The following ELMO1 variants were observed in gnomAD, a reference collection of about 807,000 sequenced individuals.
ELMO1 encodes engulfment and cell motility protein 1.
Under a neutral mutation model 98.9 loss-of-function variants are expected in ELMO1, and 26 were observed. The observed-to-expected ratio is 0.26, with a 90% CI of 0.19 to 0.36. The LOEUF (loss-of-function observed/expected upper bound fraction) is 0.36. Among genes scored for constraint, ELMO1 ranks in the 10% least tolerant of loss-of-function variants. ELMO1 has a pLI of 1.00. For synonymous variants in ELMO1, 346 were observed against 346.0 expected, an observed-to-expected ratio of 1.00 and a Z score of 0.00; for missense variants, 627 against 935.2, an observed-to-expected ratio of 0.67 and a Z score of 4.30.
chr7:37,286,816 ATCT>A (rs1205880743), intron 4 of ELMO1, among the ~76,000 whole-genome samples: 2 of 152,146 alleles, frequency 1.3e-5, no homozygotes, highest in East Asian at 1.9e-4. Flanking sequence ...AAGTCTATGG[ATCT>A]TCTTTTCAGA....
rs910869390 is a variant in ELMO1 at position 37,130,038 on chromosome 7, G to C, written c.1191+3092C>G. Among the ~76,000 whole-genome samples, 5 of 152,226 alleles carry C rather than the reference G, an allele frequency of 3.3e-5. No individual in the cohort carries two copies. The East Asian group carries it at 5.8e-4, about 18-fold the overall frequency. On this transcript the variant is annotated intron_variant, in intron 14 of 21. Transcript: ENST00000310758. The stretch of plus-strand genomic sequence containing the variant: ...TCTCTTCCCTTCACCTAGTTAACTA[G>C]TACTATTCAACAGTTCTGAGCCTAG...
chr7:36,983,369 T>C (rs1791231475), intron 16 of ELMO1, among the ~76,000 whole-genome samples: 1 of 152,208 alleles, frequency 6.6e-6, no homozygotes, highest in African/African-American at 2.4e-5. Flanking sequence ...CTTTTCAATT[T>C]GACTTTAATT....
At chr7:37,385,716 T>G (rs1802772498) in intron 1 of ELMO1, among the ~76,000 whole-genome samples, 1 of 152,254 alleles carries the variant, frequency 6.6e-6, no homozygotes, top group South Asian at 2.1e-4. Context: ...TGACACCTAA[T>G]AAGCATTTGT....
At chr7:37,206,482 G>A (rs770867103) in intron 13 of ELMO1, among the ~76,000 whole-genome samples, 11 of 152,218 alleles carry the variant, frequency 7.2e-5, no homozygotes, top group Non-Finnish European at 1.5e-4. Flanking sequence ...GATGGGGACA[G>A]AGATAGAGAA....
intron 16 of ELMO1, among the ~76,000 whole-genome samples, chr7:36,975,373 G>C (rs551706839): frequency 1.3e-5 from 2 of 151,844 alleles, no homozygotes; most frequent in African/African-American, 4.8e-5. Flanking sequence ...TTGGGTGGTT[G>C]AGACAGGAGA....
At chr7:37,062,057 C>T (rs1164982657) in intron 15 of ELMO1, among the ~76,000 whole-genome samples, 2 of 152,182 alleles carry the variant, frequency 1.3e-5, no homozygotes, top group African/African-American at 4.8e-5. Context: ...CCTGTAATTA[C>T]CCCTAAAGGC....
intron 4 of ELMO1, among the ~76,000 whole-genome samples, chr7:37,282,351 T>G (rs1238219603): frequency 6.6e-6 from 1 of 152,220 alleles, no homozygotes; most frequent in Non-Finnish European, 1.5e-5. Flanking sequence ...ACACCCTTAC[T>G]TTGGATATGT....
Position 36,879,184 on chromosome 7 carries a change from TCA to T in ELMO1, c.1715-1069_1715-1068del, listed in dbSNP as rs141299962. 3.9e-3 allele frequency among the ~76,000 whole-genome samples: 590 copies of T among 152,248 alleles called. 1 individual carries two copies. Among genetic ancestry groups the T allele is most frequent in the Middle Eastern group, 0.017 (5 of 294 alleles). The stretch of plus-strand genomic sequence containing the variant: ...CTCCAGCCCTGACAGTGTGGAAGAG[TCA>T]CAGTCTCTCCGATGACAGTCACTGT... On this transcript the variant is annotated intron_variant, in intron 18 of 21. Transcript: ENST00000310758.
At chr7:37,086,371 GAGA>G (rs958948406) in intron 15 of ELMO1, among the ~76,000 whole-genome samples, 3 of 134,336 alleles carry the variant, frequency 2.2e-5, no homozygotes, top group Non-Finnish European at 3.2e-5. Context: ...TGTGTGTGAA[GAGA>G]AGGAGAGAAA....
chr7:37,241,261 C>T (rs948468769), intron 7 of ELMO1, among the ~76,000 whole-genome samples: 1 of 151,986 alleles, frequency 6.6e-6, no homozygotes, highest in Non-Finnish European at 1.5e-5. Context: ...CTAATTATCC[C>T]TCTTTAACTC....
chr7:36,939,197 A>G (rs993457700), intron 16 of ELMO1, among the ~76,000 whole-genome samples: 5 of 150,638 alleles, frequency 3.3e-5, no homozygotes, highest in African/African-American at 1.2e-4. Flanking sequence ...TCCTAGCCAC[A>G]GCATACAAAG....
At chr7:37,034,694 T>G (rs1343834557) in intron 15 of ELMO1, among the ~76,000 whole-genome samples, 1 of 152,102 alleles carries the variant, frequency 6.6e-6, no homozygotes, top group Non-Finnish European at 1.5e-5. Context: ...GAAGCTGAAT[T>G]AGGGATGTTG....
chr7:37,121,967 T>C (rs1264542558), intron 14 of ELMO1, among the ~76,000 whole-genome samples: 2 of 151,914 alleles, frequency 1.3e-5, no homozygotes, highest in Non-Finnish European at 2.9e-5. Flanking sequence ...CAGAAGAGAG[T>C]GGGAGCCAAT....
intron 1 of ELMO1, among the ~76,000 whole-genome samples, chr7:37,404,347 A>T (rs1803662422): frequency 6.6e-6 from 1 of 151,902 alleles, no homozygotes; most frequent in African/African-American, 2.4e-5. Flanking sequence ...CATACAGGTG[A>T]CTGTGCGCCA....
chr7:37,330,753 C>G (rs769856105), intron 2 of ELMO1, among the ~76,000 whole-genome samples: 2 of 152,210 alleles, frequency 1.3e-5, no homozygotes, highest in Non-Finnish European at 2.9e-5. Context: ...ATCTTAGCAA[C>G]TATTTTTTTT....
chr7:37,256,571 G>GA (rs1402910251), intron 6 of ELMO1, among the ~76,000 whole-genome samples: 1 of 118,568 alleles, frequency 8.4e-6, no homozygotes, highest in Non-Finnish European at 1.7e-5. Context: ...AGGAAGGAAG[G>GA]AAGGAAAGGA....
At chr7:36,942,987 A>G (rs1371759619) in intron 16 of ELMO1, among the ~76,000 whole-genome samples, 1 of 152,226 alleles carries the variant, frequency 6.6e-6, no homozygotes, top group East Asian at 1.9e-4. Context: ...CACCATGACC[A>G]GCCACCTTCA....
At chr7:37,365,574 T>G (rs1010991273) in intron 1 of ELMO1, among the ~76,000 whole-genome samples, 2 of 13,908 alleles carry the variant, frequency 1.4e-4, no homozygotes, top group Non-Finnish European at 2.6e-4. Context: ...CATTCTTTCT[T>G]ATGACCAAAA....
rs1372678328 is a variant in ELMO1 at position 37,155,576 on chromosome 7, A to C, written c.1087-22342T>G. Among the ~76,000 whole-genome samples the C allele has an allele frequency of 3.3e-5, 5 of 152,264 alleles. No individual in the cohort carries two copies. In the East Asian group the frequency reaches 5.8e-4, roughly 18 times the overall value. Reference sequence around the variant, plus strand: ...CCAACAAAGATCAAAAGAGACAAAGAATGCCATTACATAATGGTAAAGGGA... The same window carrying C: ...CCAACAAAGATCAAAAGAGACAAAGCATGCCATTACATAATGGTAAAGGGA... On this transcript the variant is annotated intron_variant, in intron 13 of 21. Transcript: ENST00000310758.
Sources: gnomAD v4.1 joint callset for allele counts (sites outside exome capture counted in the v4.1 genomes callset) on GRCh38, gnomAD v4.1.1 for gene constraint, MANE v1.5 for transcripts, NCBI Gene and HGNC (gene_info 2026-07-23, HGNC 2026-07-21) for gene names.